The following EFNB2 variants were observed in gnomAD, a reference collection of about 807,000 sequenced individuals.
EFNB2 encodes the protein ephrin-B2.
EFNB2 carries 5 observed loss-of-function variants against 32.1 expected under a neutral mutation model. The ratio of observed to expected loss-of-function variants is 0.16; its 90% CI spans 0.08 to 0.33. The LOEUF (loss-of-function observed/expected upper bound fraction) is 0.33. EFNB2 is among the 10% of genes least tolerant of loss of function. EFNB2 has a pLI of 1.00. For synonymous variants in EFNB2, 168 were observed against 166.5 expected, an observed-to-expected ratio of 1.01 and a Z score of -0.07; for missense variants, 263 against 422.6, an observed-to-expected ratio of 0.62 and a Z score of 3.31.
chr13:106,493,073 C>T lies in EFNB2; in HGVS notation c.969G>A (p.Pro323=), dbSNP rs553579869. The part of the protein sequence containing the change: ...HPVYIVQEMP[P]QSPANIYYKV ...TGTAGTAAATGTTCGCCGGGCTCTG[C>T]GGGGGCATCTCCTGGACGATGTACA... The change falls in exon 5 of 5, where the codon CCG becomes CCA. Residue 323 remains proline (P), a synonymous_variant. Coordinates refer to ENST00000646441, the MANE Select transcript of EFNB2 (RefSeq NM_004093.4). This position sits in a 1 kb window ranked among gnomAD's most constrained non-coding sequence, Gnocchi z 6.1. 6.0e-5 allele frequency: 97 copies of T among 1,613,192 alleles called. No individual in the cohort carries two copies. Among genetic ancestry groups the T allele is most frequent in the Middle Eastern group, 5.0e-4 (3 of 6,052 alleles).
At chr13:106,498,383 T>G (rs534327344) in intron 2 of EFNB2, among the ~76,000 whole-genome samples, 1 of 152,338 alleles carries the variant, frequency 6.6e-6, no homozygotes, top group Non-Finnish European at 1.5e-5. Context: ...TTCTGCTTTG[T>G]CAAACTGGAA....
At chr13:106,531,958 CTACTT>C (rs1431000510) in intron 1 of EFNB2, among the ~76,000 whole-genome samples, 7 of 151,254 alleles carry the variant, frequency 4.6e-5, no homozygotes, top group African/African-American at 1.7e-4. Flanking sequence ...AAAGAGCCCA[CTACTT>C]TACTTAGGCC....
At chr13:106,531,743 T>C (rs940656551) in intron 1 of EFNB2, among the ~76,000 whole-genome samples, 1 of 150,892 alleles carries the variant, frequency 6.6e-6, no homozygotes, top group African/African-American at 2.4e-5. Context: ...TCAATTAGTA[T>C]CAGGAATCCA....
intron 2 of EFNB2, chr13:106,506,708 A>G (rs1878962672): frequency 6.6e-6 from 1 of 152,036 alleles, no homozygotes; most frequent in African/African-American, 2.4e-5. Flanking sequence ...GGAGCCTCAC[A>G]CTTCCTCCCC....
rs573369301 is a variant in EFNB2 at position 106,492,960 on chromosome 13, C to A, written c.*80G>T. 1.3e-6 allele frequency: 2 copies of A among 1,509,736 alleles called. No individual in the cohort carries two copies. 93.5% of individuals were successfully genotyped at this position (1,509,736 alleles called of 1,614,324 possible). On this transcript the variant is annotated 3_prime_UTR_variant, in exon 5 of 5. Coordinates refer to ENST00000646441, the MANE Select transcript of EFNB2 (RefSeq NM_004093.4). This position sits in a 1 kb window ranked among gnomAD's most constrained non-coding sequence, Gnocchi z 5.1. ...CTGTGCTTCAGTCAATTCTCCAGCACGCGGGCTCTCAAACCCTCAAGGGAG... is the reference window on the plus strand; with the variant it reads ...CTGTGCTTCAGTCAATTCTCCAGCAAGCGGGCTCTCAAACCCTCAAGGGAG...
At chr13:106,509,627 CTGTGTGTGTGTGTGTG>C (rs34068695) in intron 2 of EFNB2, among the ~76,000 whole-genome samples, 170 of 142,664 alleles carry the variant, frequency 1.2e-3, no homozygotes, top group African/African-American at 3.9e-3. Context: ...CAGAGCTTGA[CTGTGTGTGTGTGTGTG>C]TGTGTGTGTG....
chr13:106,512,719 C>T lies in EFNB2; in HGVS notation c.216G>A (p.Gln72=), dbSNP rs761707646. ...CPKVDSKTVG[Q]YEYYKVYMVD... ...CCATATAAACTTTATAATATTCATA[C>T]TGGCCAACAGTTTTAGAGTCCACTT... The change falls in exon 2 of 5, where the codon CAG becomes CAA. Residue 72 remains glutamine, a synonymous_variant. Coordinates refer to ENST00000646441, the MANE Select transcript of EFNB2 (RefSeq NM_004093.4). The T allele has an allele frequency of 2.5e-6, 4 of 1,613,732 alleles. No homozygotes were observed. Among genetic ancestry groups the T allele is most frequent in the Non-Finnish European group, 3.4e-6 (4 of 1,179,912 alleles).
chr13:106,498,689 G>GTTT (rs1220209051), intron 2 of EFNB2, among the ~76,000 whole-genome samples: 1 of 152,088 alleles, frequency 6.6e-6, no homozygotes, highest in Non-Finnish European at 1.5e-5. Flanking sequence ...TGGGGAAGAG[G>GTTT]GAAACATTCA....
Position 106,492,963 on chromosome 13 carries a change from G to A in EFNB2, c.*77C>T, listed in dbSNP as rs1448406985. ...TGCTTCAGTCAATTCTCCAGCACGC[G>A]GGCTCTCAAACCCTCAAGGGAGGCA... is the stretch of plus-strand genomic sequence containing the variant. On this transcript the variant is annotated 3_prime_UTR_variant, in exon 5 of 5. Coordinates refer to ENST00000646441, the MANE Select transcript of EFNB2 (RefSeq NM_004093.4). This position sits in a 1 kb window ranked among gnomAD's most constrained non-coding sequence, Gnocchi z 5.1. The A allele has an allele frequency of 1.2e-5, 18 of 1,512,318 alleles. No individual in the cohort carries two copies. Among genetic ancestry groups the A allele is most frequent in the East Asian group, 2.3e-5 (1 of 43,994 alleles). The allele number at this position is 1,512,318 out of a possible 1,614,324, so 93.7% of individuals were successfully genotyped here. A position where few individuals can be genotyped will look rare whatever the true frequency, so the allele number is the denominator to read the frequency against.
At chr13:106,534,755 G>T in intron 1 of EFNB2, 88 bp downstream of exon 1, 16 of 1,450,018 alleles carry the variant, frequency 1.1e-5, no homozygotes, top group Non-Finnish European at 1.5e-5. Flanking sequence ...AACAGGCTCC[G>T]AGGCCCCGCG....
At chr13:106,525,923 C>T (rs932945371) in intron 1 of EFNB2, among the ~76,000 whole-genome samples, 1 of 152,202 alleles carries the variant, frequency 6.6e-6, no homozygotes, top group South Asian at 2.1e-4. Context: ...AAGGCAAGGA[C>T]TACAGATTTC....
intron 2 of EFNB2, among the ~76,000 whole-genome samples, chr13:106,501,927 A>G (rs181667245): frequency 1.4e-3 from 208 of 152,306 alleles, no homozygotes; most frequent in Admixed American, 4.1e-3. Context: ...TATACTTAGC[A>G]AAGTTAATTT....
At chr13:106,531,786 G>T (rs1879879971) in intron 1 of EFNB2, among the ~76,000 whole-genome samples, 1 of 152,108 alleles carries the variant, frequency 6.6e-6, no homozygotes. Context: ...CATGGGAAAA[G>T]CAAAATGCTA....
At chr13:106,497,111 T>C (rs1033644904) in intron 2 of EFNB2, among the ~76,000 whole-genome samples, 2 of 152,358 alleles carry the variant, frequency 1.3e-5, no homozygotes, top group South Asian at 2.1e-4. Context: ...AAGTTCTATA[T>C]GCATTTATGG....
intron 1 of EFNB2, among the ~76,000 whole-genome samples, chr13:106,524,204 A>G (rs1224004621): frequency 6.6e-6 from 1 of 152,256 alleles, no homozygotes; most frequent in Non-Finnish European, 1.5e-5. Context: ...GAAAGTGACT[A>G]TAAATCAAAA....
At position 106,535,115 on chromosome 13, in the gene EFNB2, G is replaced by T. The variant is rs990279072; in HGVS notation, c.-151C>A. 4.6e-4 allele frequency: 474 copies of T among 1,027,368 alleles called. 1 individual carries two copies. Among genetic ancestry groups the T allele is most frequent in the Non-Finnish European group, 5.8e-4 (450 of 773,514 alleles). The allele number at this position is 1,027,368 out of a possible 1,614,324, so 63.6% of individuals were successfully genotyped here. Reference sequence around the variant, plus strand: ...GGCGCGCTGCGCAGCTCCAGCGGTCGCCGGGCCAGGTGCGCTCGCTCTCCG... The same window carrying T: ...GGCGCGCTGCGCAGCTCCAGCGGTCTCCGGGCCAGGTGCGCTCGCTCTCCG... On this transcript the variant is annotated 5_prime_UTR_variant, in exon 1 of 5. Coordinates refer to ENST00000646441, the MANE Select transcript of EFNB2 (RefSeq NM_004093.4).
Position 106,535,546 on chromosome 13 carries a change from C to T in EFNB2, c.-582G>A, listed in dbSNP as rs981850246. 6 of 149,486 alleles carry T rather than the reference C, an allele frequency of 4.0e-5. No individual in the cohort carries two copies. The highest frequency in any genetic ancestry group is 1.3e-4 in the Admixed American group (2 of 15,084). 9.3% of individuals were successfully genotyped at this position (149,486 alleles called of 1,614,324 possible). A position where few individuals can be genotyped will look rare whatever the true frequency, so the allele number is the denominator to read the frequency against. ...AGGGCAGGAAAGAGGGAGCTCGGTCCCCGCCGCGGGCTCCGGACGCGCGCG... is the reference window on the plus strand; with the variant it reads ...AGGGCAGGAAAGAGGGAGCTCGGTCTCCGCCGCGGGCTCCGGACGCGCGCG... On this transcript the variant is annotated 5_prime_UTR_variant, in exon 1 of 5. Coordinates refer to ENST00000646441, the MANE Select transcript of EFNB2 (RefSeq NM_004093.4).
chr13:106,500,621 C>G (rs9301140), intron 2 of EFNB2, among the ~76,000 whole-genome samples: 119,210 of 152,142 alleles, frequency 0.78, 48,397 homozygotes, highest in East Asian at 0.99. Context: ...GTTGCCCTTA[C>G]ATACAGCTGC....
At chr13:106,524,851 T>A (rs534502429) in intron 1 of EFNB2, among the ~76,000 whole-genome samples, 4 of 152,284 alleles carry the variant, frequency 2.6e-5, no homozygotes, top group African/African-American at 9.6e-5. Flanking sequence ...CTTAATTTAA[T>A]AGGACAAAAG....
Sources: allele counts gnomAD v4.1 joint callset (sites outside exome capture counted in the v4.1 genomes callset), GRCh38; gene constraint gnomAD v4.1.1; non-coding constraint Gnocchi (gnomAD v3.1); transcripts MANE v1.5; gene names NCBI Gene and HGNC (gene_info 2026-07-23, HGNC 2026-07-21).